Variants in GLIS3 observed in about 807,000 individuals in gnomAD.
GLIS3 encodes the protein zinc finger protein GLIS3.
In GLIS3, 53 loss-of-function variants were observed where a neutral mutation model predicts 78.6. The ratio of observed to expected loss-of-function variants is 0.67; its 90% CI spans 0.54 to 0.85. The LOEUF (loss-of-function observed/expected upper bound fraction) is 0.85, where lower values mean the gene tolerates loss of function less well. Ranked by LOEUF, GLIS3 falls within the 40% of genes least tolerant of loss-of-function variation. GLIS3 has a pLI of 0.00. For missense variants in GLIS3, 1,703 were observed against 1,231.1 expected, an observed-to-expected ratio of 1.38 and a Z score of -5.74; for synonymous variants, 684 against 509.9, an observed-to-expected ratio of 1.34 and a Z score of -4.60.
Position 4,094,761 on chromosome 9 carries a change from T to C in GLIS3, c.1710+23007A>G, listed in dbSNP as rs76314638. Among the ~76,000 whole-genome samples, 522 of 152,334 alleles carry C rather than the reference T, an allele frequency of 3.4e-3. 3 individuals are homozygous for C. The highest frequency in any genetic ancestry group is 0.012 in the African/African-American group (496 of 41,582). ...TAAAATTAGGAGGTCTTAAAATTAA[T>C]GATCTTAGATCCGATGGCTTATTTT... On this transcript the variant is annotated intron_variant, in intron 4 of 10. Transcript: ENST00000381971.
At chr9:4,251,540 C>G (rs537945404) in intron 2 of GLIS3, among the ~76,000 whole-genome samples, 2 of 151,886 alleles carry the variant, frequency 1.3e-5, no homozygotes, top group South Asian at 4.2e-4. Context: ...TACAGCACAC[C>G]AATGAGTCTT....
At chr9:4,305,014 C>T (rs1246377025), upstream of GLIS3, among the ~76,000 whole-genome samples, 4 of 152,136 alleles carry the variant, frequency 2.6e-5, no homozygotes, top group Non-Finnish European at 5.9e-5. Flanking sequence ...GGGGACACTG[C>T]CCCAAGCTCA....
At chr9:4,338,855 G>A (rs141742721) in intron 2 of GLIS3, among the ~76,000 whole-genome samples, 46 of 152,230 alleles carry the variant, frequency 3.0e-4, no homozygotes, top group African/African-American at 1.1e-3. Flanking sequence ...AATTGGTTTG[G>A]GGTATGTGCC....
chr9:4,249,259 G>C (rs952207012), intron 2 of GLIS3, among the ~76,000 whole-genome samples: 24 of 152,164 alleles, frequency 1.6e-4, no homozygotes, highest in Admixed American at 1.4e-3. Context: ...CATGAACATG[G>C]AATGTCCTTC....
intron 2 of GLIS3, among the ~76,000 whole-genome samples, chr9:4,196,123 T>G (rs1818818840): frequency 6.6e-6 from 1 of 152,148 alleles, no homozygotes; most frequent in Admixed American, 6.5e-5. Context: ...ATCAGTGCTC[T>G]GTGTCTAGCT....
the GLIS3 span, among the ~76,000 whole-genome samples, chr9:4,424,068 G>T: frequency 2.6e-5 from 4 of 152,154 alleles, no homozygotes; most frequent in African/African-American, 9.7e-5. Flanking sequence ...TTGAAGCAAA[G>T]GGATTTTGAC....
chr9:4,092,859 G>A (rs1446234491), intron 4 of GLIS3, among the ~76,000 whole-genome samples: 1 of 152,146 alleles, frequency 6.6e-6, no homozygotes, highest in African/African-American at 2.4e-5. Context: ...TTATTATCAA[G>A]TATTATGTGC....
At chr9:4,304,681 A>G (rs1019175281), upstream of GLIS3, among the ~76,000 whole-genome samples, 6 of 152,240 alleles carry the variant, frequency 3.9e-5, no homozygotes, top group South Asian at 2.1e-4. Flanking sequence ...ATACCTCAGA[A>G]TAATTGAGAG....
intron 2 of GLIS3, chr9:4,147,737 C>T (rs545536492): frequency 4.6e-5 from 7 of 151,798 alleles, no homozygotes; most frequent in African/African-American, 1.7e-4. Flanking sequence ...AGGTCATTAA[C>T]TTGCCTGGGT....
At chr9:4,097,005 C>T (rs1830004617) in intron 4 of GLIS3, among the ~76,000 whole-genome samples, 2 of 152,268 alleles carry the variant, frequency 1.3e-5, no homozygotes, top group African/African-American at 4.8e-5. Flanking sequence ...GAGCACGACT[C>T]TGTCTCAAAT....
intron 2 of GLIS3, among the ~76,000 whole-genome samples, chr9:4,323,319 TTA>T (rs1022051140): frequency 1.3e-5 from 2 of 152,170 alleles, no homozygotes; most frequent in African/African-American, 4.8e-5. Context: ...TCACATATAT[TTA>T]TATATGTAAA....
the GLIS3 span, among the ~76,000 whole-genome samples, chr9:4,478,699 T>C: frequency 1.8e-4 from 27 of 152,294 alleles, no homozygotes; most frequent in African/African-American, 6.5e-4. Flanking sequence ...ATTAAGCATT[T>C]ATCCTGCCTT....
rs752424504 is a variant in GLIS3, at chr9:3,879,378, G to A, written c.2297+49C>T. The A allele has an allele frequency of 1.7e-5, 26 of 1,566,808 alleles. No homozygotes were observed. In the South Asian group the frequency reaches 2.7e-4, roughly 16 times the overall value. Reference sequence around the variant, plus strand: ...ACTGTCAAGGCACTTGTCTGTGAAGGGAGGTTTGGCGGCGACACCTATTAG... The same window carrying A: ...ACTGTCAAGGCACTTGTCTGTGAAGAGAGGTTTGGCGGCGACACCTATTAG... On this transcript the variant is annotated intron_variant, in intron 8 of 10. Transcript: ENST00000381971.
intron 4 of GLIS3, among the ~76,000 whole-genome samples, chr9:3,990,420 C>T (rs1278295021): frequency 3.9e-5 from 6 of 152,208 alleles, no homozygotes; most frequent in Admixed American, 6.5e-5. Context: ...CTGCACCTGG[C>T]ACAGTCCTTG....
chr9:3,910,001 C>T (rs934495499), intron 6 of GLIS3, among the ~76,000 whole-genome samples: 1 of 152,162 alleles, frequency 6.6e-6, no homozygotes, highest in Non-Finnish European at 1.5e-5. Flanking sequence ...TGGTAGCAGT[C>T]CAGCCTTTGT....
At chr9:4,229,051 G>C (rs1457898590) in intron 2 of GLIS3, among the ~76,000 whole-genome samples, 1 of 152,200 alleles carries the variant, frequency 6.6e-6, no homozygotes, top group African/African-American at 2.4e-5. Context: ...GATGGGGAAT[G>C]AGCTCCAAAA....
upstream of GLIS3, among the ~76,000 whole-genome samples, chr9:4,302,687 G>C (rs1383592264): frequency 6.6e-6 from 1 of 152,192 alleles, no homozygotes; most frequent in East Asian, 1.9e-4. Flanking sequence ...TGCCAGTTTA[G>C]AAGCCCCAAG....
intron 4 of GLIS3, among the ~76,000 whole-genome samples, chr9:3,979,705 AC>A (rs1281172140): frequency 6.6e-6 from 1 of 152,136 alleles, no homozygotes; most frequent in Non-Finnish European, 1.5e-5. Context: ...GTTTTCCCCA[AC>A]ACTAGACTAT....
At chr9:4,129,514 G>C (rs1832810922) in intron 2 of GLIS3, among the ~76,000 whole-genome samples, 1 of 152,072 alleles carries the variant, frequency 6.6e-6, no homozygotes, top group East Asian at 1.9e-4. Flanking sequence ...GTTCTCATGT[G>C]ATCTGGATGT....
Sources: allele counts gnomAD v4.1 joint callset (sites outside exome capture counted in the v4.1 genomes callset), GRCh38; gene constraint gnomAD v4.1.1; transcripts MANE v1.5; gene names NCBI Gene and HGNC (gene_info 2026-07-23, HGNC 2026-07-21).